The following LAMA1 variants were observed in gnomAD, a reference collection of about 807,000 sequenced individuals.
The protein encoded by LAMA1 is laminin subunit alpha-1.
Under a neutral mutation model 348.7 loss-of-function variants are expected in LAMA1, and 219 were observed. The observed-to-expected ratio is 0.63, with a 90% confidence interval of 0.56 to 0.70. LAMA1 has a LOEUF of 0.70. Among genes scored for constraint, LAMA1 ranks in the 30% least tolerant of loss-of-function variants. LAMA1 has a pLI of 0.00. For synonymous variants in LAMA1, 1,487 were observed against 1,491.0 expected (o/e 1.00, Z 0.06); for missense variants, 3,744 against 3,888.0 (o/e 0.96, Z 0.99).
Position 7,037,742 on chromosome 18 carries a change from T to C in LAMA1, c.1573A>G (p.Met525Val). ...LSWPVGQVNS[M>V]SGWLVTDLIS... ...AAGTCGGTGACCAGCCACCCGGACATACTGTTTACCTTAAAAACAAATTCA... is the reference window on the plus strand; with the variant it reads ...AAGTCGGTGACCAGCCACCCGGACACACTGTTTACCTTAAAAACAAATTCA... Residue 525 changes from methionine to valine, a missense_variant, in exon 12 of 63, where the codon ATG becomes GTG. By Grantham distance (21) the Met-to-Val change is conservative (BLOSUM62 1). Around this residue, in one of 3 missense-constraint regions of LAMA1, gnomAD observed 1,529 missense variants for 1,689.4 expected, o/e 0.91. Coordinates refer to ENST00000389658, the MANE Select transcript of LAMA1 (RefSeq NM_005559.4). The C allele has an allele frequency of 6.2e-7, 1 of 1,614,174 alleles. No homozygotes were observed. Among genetic ancestry groups the C allele is most frequent in the Non-Finnish European group, 8.5e-7 (1 of 1,180,036 alleles).
At position 7,033,746 on chromosome 18, in the gene LAMA1, T is replaced by TC. The variant is rs1419620712; in HGVS notation, c.2052-652_2052-651insG. ...TTTGTGTTAGATGCATACAACTTTT[T>TC]TTTTTTGAGACAAAGTCTCGTTGTG... On this transcript the variant is annotated intron_variant, in intron 14 of 62. Transcript: ENST00000389658. Among the ~76,000 whole-genome samples the TC allele has an allele frequency of 2.1e-4, 32 of 151,984 alleles. 1 individual carries two copies. In the East Asian group the frequency reaches 3.1e-3, roughly 15 times the overall value.
intron 3 of LAMA1, among the ~76,000 whole-genome samples, chr18:7,078,911 G>T (rs955839830): frequency 6.6e-6 from 1 of 151,996 alleles, no homozygotes; most frequent in African/African-American, 2.4e-5. Context: ...CGCTTGAACC[G>T]GGGAGGCGGA....
chr18:7,045,013 T>C (rs1727857038), intron 6 of LAMA1, among the ~76,000 whole-genome samples, 174 bp from the exon 7 acceptor site: 1 of 152,092 alleles, frequency 6.6e-6, no homozygotes, highest in Admixed American at 6.5e-5. Flanking sequence ...TATATACAAA[T>C]AACCTGGTTA....
Position 6,975,934 on chromosome 18 carries a change from T to TA in LAMA1, c.6489+2dup. The TA allele has an allele frequency of 6.2e-7, 1 of 1,614,116 alleles. No individual in the cohort carries two copies. Among genetic ancestry groups the TA allele is most frequent in the East Asian group, 2.2e-5 (1 of 44,888 alleles). On this transcript the variant is annotated splice_region_variant and intron_variant, in intron 45 of 62. Transcript: ENST00000389658. ...TGTCGCTTTCCAAAGGTCCATAACTTACAGCGGTGCTGCTACCGAGGTAGA... is the reference window on the plus strand; with the variant it reads ...TGTCGCTTTCCAAAGGTCCATAACTTAACAGCGGTGCTGCTACCGAGGTAGA...
Position 7,002,362 on chromosome 18 carries a change from A to ACC in LAMA1, c.4282_4283dup (p.Asp1429ValfsTer15). The ACC allele has an allele frequency of 6.2e-7, 1 of 1,613,812 alleles. No homozygotes were observed. Among genetic ancestry groups the ACC allele is most frequent in the Non-Finnish European group, 8.5e-7 (1 of 1,180,028 alleles). On this transcript the variant is annotated frameshift_variant, in exon 30 of 63. Transcript: ENST00000389658. LOFTEE classifies it high-confidence loss of function. ...CAGAAGTACACACATCACAATGGTC[A>ACC]CCTGCTGTGTTATCGCCACAGTTCT...
At chr18:6,980,170 G>A (rs1175174124) in intron 42 of LAMA1, among the ~76,000 whole-genome samples, 1 of 152,114 alleles carries the variant, frequency 6.6e-6, no homozygotes, top group East Asian at 1.9e-4. Flanking sequence ...TTTCCCCTTA[G>A]GCAGGTAAAG....
At position 6,941,921 on chromosome 18, in the gene LAMA1, G is replaced by T; in HGVS notation, c.*158C>A. 1.2e-6 allele frequency: 1 copy of T among 816,858 alleles called. No homozygotes were observed. Among genetic ancestry groups the T allele is most frequent in the Non-Finnish European group, 2.1e-6 (1 of 483,284 alleles). The allele number at this position is 816,858 out of a possible 1,614,324, so 50.6% of individuals were successfully genotyped here. ...AGACCATTTAATGGAGGTATTTGTT[G>T]CACATGTGGTTTTAGTGTAACGTAA... On this transcript the variant is annotated 3_prime_UTR_variant, in exon 63 of 63. Coordinates refer to ENST00000389658, the MANE Select transcript of LAMA1 (RefSeq NM_005559.4).
rs897472556 is a variant in LAMA1, at chr18:7,008,595, A to C, written c.4015T>G (p.Ser1339Ala). The change falls in exon 28 of 63, where the codon TCA becomes GCA. Residue 1339 changes from serine to alanine, a missense_variant. Ser to Ala is a moderately conservative substitution (Grantham distance 99). Coordinates refer to ENST00000389658, the MANE Select transcript of LAMA1 (RefSeq NM_005559.4). Reference protein sequence around the residue: ...GLQQSRISDISMEVGRKAEKL... With the variant: ...GLQQSRISDIAMEVGRKAEKL... Reference sequence around the variant, plus strand: ...TCAGCCTTTCTGCCAACCTCCATTGAAATGTCTGAGATTCTGTGCAGCCAT... The same window carrying C: ...TCAGCCTTTCTGCCAACCTCCATTGCAATGTCTGAGATTCTGTGCAGCCAT... The C allele has an allele frequency of 3.7e-6, 6 of 1,613,892 alleles. No individual in the cohort carries two copies. The African/African-American group carries it at 8.0e-5, about 22-fold the overall frequency.
At chr18:7,107,887 G>C (rs1238670040) in intron 1 of LAMA1, among the ~76,000 whole-genome samples, 1 of 151,884 alleles carries the variant, frequency 6.6e-6, no homozygotes, top group Non-Finnish European at 1.5e-5. Context: ...GGTGGCGGGT[G>C]CCTGTAGTCC....
At chr18:6,994,458 T>C (rs530404809) in intron 34 of LAMA1, among the ~76,000 whole-genome samples, 1 of 152,336 alleles carries the variant, frequency 6.6e-6, no homozygotes, top group South Asian at 2.1e-4. Flanking sequence ...GAATAACGGA[T>C]ACAGAGAATT....
chr18:6,994,183 T>C (rs2057770421), intron 34 of LAMA1, among the ~76,000 whole-genome samples: 1 of 75,384 alleles, frequency 1.3e-5, no homozygotes, highest in African/African-American at 5.1e-5. Flanking sequence ...TTAGACCTGA[T>C]TCTCCAGGCT....
chr18:6,978,253 T>C lies in LAMA1; in HGVS notation c.6133A>G (p.Arg2045Gly), dbSNP rs766664172. The change falls in exon 43 of 63, where the codon AGG (arginine) becomes GGG (glycine). Residue 2045 changes from arginine (R) to glycine (G), a missense_variant. Coordinates refer to ENST00000389658, the MANE Select transcript of LAMA1 (RefSeq NM_005559.4). ...GTCTCTCGTAATGTGGTGTTGACCC[T>C]GGACAGGCTGGCAGATGTGTTCAGC... ...ELLNTSASLS[R>G]VNTTLRETHQ... 1.2e-6 allele frequency: 2 copies of C among 1,614,218 alleles called. No individual in the cohort carries two copies. The highest frequency in any genetic ancestry group is 1.7e-5 in the Admixed American group (1 of 60,028).
intron 18 of LAMA1, 45 bp downstream of exon 18, chr18:7,024,335 A>C: frequency 6.9e-7 from 1 of 1,455,142 alleles, no homozygotes. Flanking sequence ...CATAGAATTT[A>C]TATTTAATTT....
chr18:7,059,866 T>C (rs760756074), intron 3 of LAMA1, among the ~76,000 whole-genome samples: 2 of 152,232 alleles, frequency 1.3e-5, no homozygotes, highest in Non-Finnish European at 2.9e-5. Flanking sequence ...GTGCATTTGA[T>C]AAATAATATT....
chr18:7,083,127 G>C (rs1320693640), intron 1 of LAMA1, among the ~76,000 whole-genome samples: 1 of 151,770 alleles, frequency 6.6e-6, no homozygotes, highest in African/African-American at 2.4e-5. Context: ...ATAGTAATCA[G>C]CATCAGGTAG....
At chr18:7,059,358 C>T (rs192477337) in intron 3 of LAMA1, among the ~76,000 whole-genome samples, 1 of 152,264 alleles carries the variant, frequency 6.6e-6, no homozygotes, top group Non-Finnish European at 1.5e-5. Context: ...TCTTGCTAAA[C>T]CTGCAGCTGA....
At chr18:7,098,574 G>A (rs898980807) in intron 1 of LAMA1, among the ~76,000 whole-genome samples, 6 of 150,014 alleles carry the variant, frequency 4.0e-5, no homozygotes, top group Non-Finnish European at 7.4e-5. Context: ...ATCTCTGCCC[G>A]GCCGCCCCGT....
intron 1 of LAMA1, among the ~76,000 whole-genome samples, chr18:7,093,880 T>A (rs2058250058): frequency 6.6e-6 from 1 of 150,630 alleles, no homozygotes; most frequent in East Asian, 2.0e-4. Flanking sequence ...GTTCAAGGGA[T>A]CCTCCCACTT....
chr18:7,040,414 C>T (rs1205291897), intron 9 of LAMA1, among the ~76,000 whole-genome samples, 178 bp from the exon 10 acceptor site: 1 of 152,214 alleles, frequency 6.6e-6, no homozygotes, highest in Admixed American at 6.5e-5. Context: ...ATAGAGAATA[C>T]ACAGGCAAAT....
Sources: gnomAD v4.1 joint callset for allele counts (sites outside exome capture counted in the v4.1 genomes callset) on GRCh38, gnomAD v4.1.1 for gene constraint, gnomAD v4.1.1 regional missense constraint, MANE v1.5 for transcripts, NCBI Gene and HGNC (gene_info 2026-07-23, HGNC 2026-07-21) for gene names.